CES5A: variants seen among roughly 807,000 people sequenced by gnomAD.
CES5A encodes carboxylesterase 5A.
A neutral mutation model predicts 62.9 loss-of-function variants in CES5A; 67 were observed. The observed-to-expected ratio is 1.07, with a 90% CI of 0.88 to 1.31. The LOEUF is 1.31. CES5A is among the 50% of genes most tolerant of loss of function. The pLI, the probability that CES5A is intolerant of heterozygous loss-of-function variation, is 0.00. For missense variants in CES5A, 748 were observed against 708.5 expected (o/e 1.06, Z -0.63); for synonymous variants, 296 against 280.8 (o/e 1.05, Z -0.54).
At position 55,856,383 on chromosome 16, in the gene CES5A, G is replaced by A. The variant is rs1390160085; in HGVS notation, c.1119C>T (p.Asn373=). ...AGCCTCCCAAGCTACTCACCAGGAT[G>A]TTTTGTATCAGATGGAGGGCAAGGG... ...NKSLALHLIQ[N]ILHIPPQYLH... The change falls in exon 9 of 13, where the codon AAC becomes AAT. Residue 373 remains asparagine, a synonymous_variant. Transcript: ENST00000290567. The A allele has an allele frequency of 1.2e-6, 2 of 1,614,080 alleles. No homozygotes were observed. The highest frequency in any genetic ancestry group is 1.7e-6 in the Non-Finnish European group (2 of 1,179,944).
intron 1 of CES5A, among the ~76,000 whole-genome samples, chr16:55,882,084 C>G (rs1239416161): frequency 2.6e-5 from 4 of 152,082 alleles, no homozygotes; most frequent in African/African-American, 7.2e-5. Flanking sequence ...TTTATGTCGG[C>G]CATAACAATG....
intron 1 of CES5A, among the ~76,000 whole-genome samples, chr16:55,916,681 C>T (rs76921526): frequency 0.011 from 1,722 of 152,300 alleles, 59 homozygotes; most frequent in East Asian, 0.1. Flanking sequence ...TCTCCTGCCT[C>T]CCATTTCCAG....
At chr16:55,869,589 T>A in intron 4 of CES5A, 22 bp downstream of exon 4, 1 of 1,611,746 alleles carries the variant, frequency 6.2e-7, no homozygotes, top group Middle Eastern at 1.7e-4. Flanking sequence ...ATCTGGGATG[T>A]CCATCATTTG....
At chr16:55,866,911 T>G (rs1440854290) in intron 4 of CES5A, among the ~76,000 whole-genome samples, 1 of 151,812 alleles carries the variant, frequency 6.6e-6, no homozygotes, top group Non-Finnish European at 1.5e-5. Context: ...TACCAGACAC[T>G]GTTCTAAGGG....
rs1199260403 is a variant in CES5A, at chr16:55,938,791, T to A, written c.160+10994A>T. Among the ~76,000 whole-genome samples the A allele has an allele frequency of 8.6e-3, 554 of 64,476 alleles. 1 individual carries two copies. Among genetic ancestry groups the A allele is most frequent in the Middle Eastern group, 0.024 (3 of 124 alleles). The allele number at this position is 64,476 out of a possible 152,430, so 42.3% of individuals were successfully genotyped here. A position where few individuals can be genotyped will look rare whatever the true frequency, so the allele number is the denominator to read the frequency against. ...ATATATATATATATATATATATATATATATATACACACATATATATATATA... is the reference window on the plus strand; with the variant it reads ...ATATATATATATATATATATATATAAATATATACACACATATATATATATA... On this transcript the variant is annotated intron_variant, in intron 2 of 13. Coordinates refer to the CES5A transcript ENST00000521992.
chr16:55,880,617 C>G (rs568836673), intron 1 of CES5A, among the ~76,000 whole-genome samples: 44 of 152,294 alleles, frequency 2.9e-4, no homozygotes, highest in African/African-American at 7.0e-4. Flanking sequence ...GGATCTCCCC[C>G]CTAGTCAGAC....
At chr16:55,920,916 A>G (rs1451891216) in intron 1 of CES5A, among the ~76,000 whole-genome samples, 1 of 152,232 alleles carries the variant, frequency 6.6e-6, no homozygotes, top group Non-Finnish European at 1.5e-5. Flanking sequence ...CTTAACAAAG[A>G]CTGAAATAAT....
At chr16:55,908,275 C>T (rs1245541219) in intron 1 of CES5A, among the ~76,000 whole-genome samples, 6 of 152,148 alleles carry the variant, frequency 3.9e-5, no homozygotes, top group Non-Finnish European at 8.8e-5. Flanking sequence ...TTCCTCTTAT[C>T]CTGCCCAGTC....
At chr16:55,854,539 T>TTTTTTTTC (rs2033199357) in intron 9 of CES5A, among the ~76,000 whole-genome samples, 1 of 82,284 alleles carries the variant, frequency 1.2e-5, no homozygotes, top group Non-Finnish European at 2.5e-5. Context: ...TTCTTTTTTT[T>TTTTTTTTC]TTTTCTTTTT....
chr16:55,869,773 G>T (rs752315467), intron 3 of CES5A, 29 bp from the exon 4 acceptor site: 1 of 1,578,096 alleles, frequency 6.3e-7, no homozygotes, highest in Admixed American at 1.8e-5. Context: ...CATCCAGTCA[G>T]CCCACCAGGC....
chr16:55,917,752 C>T (rs185425792), intron 1 of CES5A, among the ~76,000 whole-genome samples: 3 of 152,264 alleles, frequency 2.0e-5, no homozygotes, highest in East Asian at 1.9e-4. Context: ...CCAGCCCACA[C>T]TCAAGGATAG....
At chr16:55,927,984 C>G (rs1038937192), upstream of CES5A, among the ~76,000 whole-genome samples, 2 of 152,168 alleles carry the variant, frequency 1.3e-5, no homozygotes, top group Non-Finnish European at 2.9e-5. Context: ...TGGCTCACGC[C>G]TGTAATCCCA....
At chr16:55,861,347 A>G in intron 7 of CES5A, 65 bp downstream of exon 7, 1 of 817,962 alleles carries the variant, frequency 1.2e-6, no homozygotes, top group South Asian at 1.4e-5. Context: ...ACAGAGGGGT[A>G]GGATTTGTTC....
At chr16:55,943,615 C>T (rs544286732) in intron 2 of CES5A, among the ~76,000 whole-genome samples, 15 of 152,340 alleles carry the variant, frequency 9.8e-5, no homozygotes, top group African/African-American at 3.6e-4. Context: ...TATGCTAAAA[C>T]AAACATACAT....
At chr16:55,951,103 C>CAA (rs55951124) in intron 1 of CES5A, among the ~76,000 whole-genome samples, 602 of 44,342 alleles carry the variant, frequency 0.014, 94 homozygotes, top group East Asian at 0.025. Flanking sequence ...GACTCCATCT[C>CAA]AAAAAAAAAA....
chr16:55,865,687 T>G (rs2033442482), intron 5 of CES5A, among the ~76,000 whole-genome samples: 1 of 152,258 alleles, frequency 6.6e-6, no homozygotes, highest in African/African-American at 2.4e-5. Flanking sequence ...AATTGAATAC[T>G]AGGGTTTCTC....
intron 2 of CES5A, among the ~76,000 whole-genome samples, chr16:55,938,793 T>TACACAC (rs1567362408): frequency 1.0e-4 from 6 of 58,848 alleles, no homozygotes; most frequent in South Asian, 4.7e-4. Flanking sequence ...TATATATATA[T>TACACAC]ATATACACAC....
chr16:55,846,742 TG>T (rs1448322827), intron 12 of CES5A, 25 bp downstream of exon 12: 2 of 1,613,628 alleles, frequency 1.2e-6, no homozygotes, highest in Admixed American at 3.3e-5. Flanking sequence ...GGCCTTGGCA[TG>T]GGGGAGACCG....
intron 2 of CES5A, among the ~76,000 whole-genome samples, chr16:55,947,196 C>T (rs1487071347): frequency 2.0e-5 from 3 of 152,178 alleles, no homozygotes; most frequent in African/African-American, 4.8e-5. Context: ...AATGTCACAC[C>T]AGGTTGTTTG....
Sources: allele counts gnomAD v4.1 joint callset (sites outside exome capture counted in the v4.1 genomes callset), GRCh38; gene constraint gnomAD v4.1.1; transcripts MANE v1.5; gene names NCBI Gene and HGNC (gene_info 2026-07-23, HGNC 2026-07-21).